The following ABCB7 variants were observed in gnomAD, a reference collection of about 807,000 sequenced individuals.
ABCB7 encodes iron-sulfur clusters transporter ABCB7, mitochondrial.
Under a neutral mutation model 54.4 loss-of-function variants are expected in ABCB7, and 7 were observed. That is an observed-to-expected ratio of 0.13 (90% CI 0.07 to 0.24). The LOEUF is 0.24. Among genes scored for constraint, ABCB7 ranks in the 10% least tolerant of loss-of-function variants. ABCB7 has a pLI of 1.00. For synonymous variants in ABCB7, 218 were observed against 207.1 expected (o/e 1.05, Z -0.45); for missense variants, 356 against 570.4 (o/e 0.62, Z 3.83).
chrX:75,115,289 AAAAAAAAAAAT>A (rs2081802855), intron 1 of ABCB7, among the ~76,000 whole-genome samples: 1 of 103,930 alleles, frequency 9.6e-6, no homozygotes, highest in Non-Finnish European at 2.0e-5. Context: ...AAAAAAAAAA[AAAAAAAAAAAT>A]GACAAAAATA....
chrX:75,150,942 A>G (rs1569251861), intron 1 of ABCB7, among the ~76,000 whole-genome samples: 1 of 111,142 alleles, frequency 9.0e-6, no homozygotes, highest in African/African-American at 3.3e-5. Flanking sequence ...TTATCTTGCC[A>G]CTGGCTACTC....
At chrX:75,064,603 A>AGTATAGCAGTT (rs2081304097) in intron 13 of ABCB7, among the ~76,000 whole-genome samples, 1 of 111,737 alleles carries the variant, frequency 8.9e-6, no homozygotes, top group South Asian at 3.8e-4. Flanking sequence ...CTGTAAGGAA[A>AGTATAGCAGTT]GTATAGCAGT....
chrX:75,076,446 G>C, intron 5 of ABCB7, 76 bp downstream of exon 5: 3 of 1,131,952 alleles, frequency 2.7e-6, no homozygotes, highest in Non-Finnish European at 3.6e-6. Flanking sequence ...GTAGTGAAAA[G>C]GTCATCTGCT....
intron 3 of ABCB7, among the ~76,000 whole-genome samples, chrX:75,107,828 A>G (rs1286849414): frequency 1.8e-5 from 2 of 110,839 alleles, no homozygotes; most frequent in Admixed American, 9.6e-5. Context: ...GGGAAAGTGA[A>G]GGGAACTTTG....
At chrX:75,114,870 T>G (rs2081795138) in intron 1 of ABCB7, 39 bp from the exon 2 acceptor site, 1 of 1,017,800 alleles carries the variant, frequency 9.8e-7, no homozygotes, top group African/African-American at 1.9e-5. Context: ...AGTTTCAGAG[T>G]GGACACTTAA....
chrX:75,118,789 T>C (rs1490644194), intron 1 of ABCB7, among the ~76,000 whole-genome samples: 1 of 111,727 alleles, frequency 9.0e-6, no homozygotes, highest in Non-Finnish European at 1.9e-5. Flanking sequence ...CTTAGCCACC[T>C]AGGAAGTATG....
At chrX:75,064,949 A>G in intron 13 of ABCB7, 121 bp downstream of exon 13, 2 of 825,618 alleles carry the variant, frequency 2.4e-6, no homozygotes, top group Non-Finnish European at 3.5e-6. Context: ...AACCCAATCA[A>G]ATGTGACTCA....
intron 3 of ABCB7, among the ~76,000 whole-genome samples, chrX:75,105,340 A>C (rs866424089): frequency 4.5e-5 from 5 of 111,764 alleles, no homozygotes; most frequent in Non-Finnish European, 5.6e-5. Flanking sequence ...ATACAAAATC[A>C]ATGTACAAAA....
At chrX:75,128,177 C>T (rs1304617378) in intron 1 of ABCB7, among the ~76,000 whole-genome samples, 1 of 111,510 alleles carries the variant, frequency 9.0e-6, no homozygotes, top group East Asian at 2.8e-4. Flanking sequence ...CTGGAGGCAT[C>T]ACACCACCTG....
At position 75,051,983 on chromosome X, in the gene ABCB7, T is replaced by C. The variant is rs1265699902; in HGVS notation, c.*1387A>G. On this transcript the variant is annotated 3_prime_UTR_variant, in exon 16 of 16. Coordinates refer to ENST00000373394, the MANE Select transcript of ABCB7 (RefSeq NM_001271696.3). ...AGCAACTTTCAAATTACATAGGAGT[T>C]TGTAAATCTTTAAAGAAAAATGTGT... 8.9e-6 allele frequency: 1 copy of C among 112,071 alleles called. No homozygotes were observed. Among genetic ancestry groups the C allele is most frequent in the Non-Finnish European group, 1.9e-5 (1 of 53,223 alleles). The allele number at this position is 112,071 out of a possible 1,213,427, so 9.2% of individuals were successfully genotyped here. A position where few individuals can be genotyped will look rare whatever the true frequency, so the allele number is the denominator to read the frequency against.
intron 1 of ABCB7, among the ~76,000 whole-genome samples, chrX:75,142,763 C>T (rs899772313): frequency 8.9e-6 from 1 of 112,268 alleles, no homozygotes; most frequent in African/African-American, 3.2e-5. Context: ...AAGCATTTAC[C>T]ACACCTTAAA....
At chrX:75,103,416 A>T in intron 3 of ABCB7, among the ~76,000 whole-genome samples, 1 of 111,204 alleles carries the variant, frequency 9.0e-6, no homozygotes, top group Non-Finnish European at 1.9e-5. Context: ...GTCGAAAATC[A>T]GTTGGCTATA....
chrX:75,082,916 A>T (rs1347859063), intron 4 of ABCB7, among the ~76,000 whole-genome samples: 1 of 111,856 alleles, frequency 8.9e-6, no homozygotes, highest in East Asian at 2.8e-4. Context: ...AAAACCAAGT[A>T]ACAAAATAAA....
intron 3 of ABCB7, among the ~76,000 whole-genome samples, chrX:75,100,884 C>A (rs926607891): frequency 9.0e-6 from 1 of 111,307 alleles, no homozygotes; most frequent in Non-Finnish European, 1.9e-5. Flanking sequence ...TTGTTTATAC[C>A]AATTCTGTTT....
chrX:75,133,092 A>G (rs776616774), intron 1 of ABCB7, among the ~76,000 whole-genome samples: 1 of 112,136 alleles, frequency 8.9e-6, no homozygotes, highest in Non-Finnish European at 1.9e-5. Flanking sequence ...GGTATACAAT[A>G]AAATGATTTA....
At chrX:75,115,028 G>A (rs1366899591) in intron 1 of ABCB7, among the ~76,000 whole-genome samples, 197 bp from the exon 2 acceptor site, 1 of 110,709 alleles carries the variant, frequency 9.0e-6, no homozygotes, top group Non-Finnish European at 1.9e-5. Context: ...CTGGCACTTT[G>A]GGAGGCTAAG....
At chrX:75,057,924 T>C (rs746148845) in intron 15 of ABCB7, among the ~76,000 whole-genome samples, 8 of 110,730 alleles carry the variant, frequency 7.2e-5, no homozygotes, top group African/African-American at 2.6e-4. Context: ...CTTTGGTATG[T>C]TTTGATTTTC....
At chrX:75,141,461 G>A (rs776292625) in intron 1 of ABCB7, among the ~76,000 whole-genome samples, 30 of 110,284 alleles carry the variant, frequency 2.7e-4, no homozygotes, top group African/African-American at 8.6e-4. Flanking sequence ...TTTTTAGACT[G>A]CTTTTTACAC....
chrX:75,055,968 T>C, intron 15 of ABCB7, among the ~76,000 whole-genome samples: 1 of 110,784 alleles, frequency 9.0e-6, no homozygotes, highest in Non-Finnish European at 1.9e-5. Flanking sequence ...ATTACCAGCA[T>C]GAGCCACCAT....
Sources: gnomAD v4.1 joint callset for allele counts (sites outside exome capture counted in the v4.1 genomes callset) on GRCh38, gnomAD v4.1.1 for gene constraint, MANE v1.5 for transcripts, NCBI Gene and HGNC (gene_info 2026-07-23, HGNC 2026-07-21) for gene names.